RUBCN: variants seen among roughly 807,000 people sequenced by gnomAD.
RUBCN encodes rubicon autophagy regulator, also known as run domain Beclin-1-interacting and cysteine-rich domain-containing protein.
In RUBCN, 74 loss-of-function variants were observed where a neutral mutation model predicts 113.2. The observed-to-expected ratio is 0.65, with a 90% confidence interval of 0.54 to 0.79. The LOEUF is 0.79. RUBCN is among the 30% of genes least tolerant of loss of function. RUBCN has a pLI of 0.00. For missense variants in RUBCN, 1,109 were observed against 1,251.7 expected (o/e 0.89, Z 1.72); for synonymous variants, 480 against 490.0 (o/e 0.98, Z 0.27).
At chr3:197,708,554 CAAAAAA>C (rs113534449) in intron 2 of RUBCN, among the ~76,000 whole-genome samples, 6 of 74,568 alleles carry the variant, frequency 8.0e-5, no homozygotes, top group African/African-American at 2.4e-4. Context: ...GTGGTAGACT[CAAAAAA>C]AAAAAAAAAA....
At chr3:197,687,458 C>T (rs776785325) in intron 11 of RUBCN, among the ~76,000 whole-genome samples, 1 of 152,158 alleles carries the variant, frequency 6.6e-6, no homozygotes, top group Non-Finnish European at 1.5e-5. Context: ...TCTGCAATAA[C>T]GGAGCTGGAC....
At chr3:197,715,512 T>C (rs1725427593) in intron 2 of RUBCN, among the ~76,000 whole-genome samples, 1 of 151,368 alleles carries the variant, frequency 6.6e-6, no homozygotes, top group Admixed American at 6.6e-5. Flanking sequence ...CCTCCTCCTC[T>C]TCCTCCTCAT....
At chr3:197,746,728 A>G (rs1032376980) in intron 1 of RUBCN, among the ~76,000 whole-genome samples, 1 of 152,138 alleles carries the variant, frequency 6.6e-6, no homozygotes, top group South Asian at 2.1e-4. Flanking sequence ...TTTTATCTAC[A>G]TTGTGTGAAA....
chr3:197,735,066 G>A (rs1484888938), intron 1 of RUBCN, among the ~76,000 whole-genome samples: 1 of 152,192 alleles, frequency 6.6e-6, no homozygotes, highest in Non-Finnish European at 1.5e-5. Context: ...AGCTGCTCCT[G>A]AGACCATCAT....
chr3:197,670,542 A>C lies in RUBCN; in HGVS notation c.*4476T>G, dbSNP rs982179754. Among the ~76,000 whole-genome samples the C allele has an allele frequency of 1.3e-5, 2 of 152,240 alleles. No individual in the cohort carries two copies. The highest frequency in any genetic ancestry group is 2.9e-5 in the Non-Finnish European group (2 of 68,040). On this transcript the variant is annotated 3_prime_UTR_variant, in exon 20 of 20. Transcript: ENST00000296343. ...GGAAATCAAGCTTTGGCTTCCTGTG[A>C]ACTACACCAGTTTGTAACAATGAAC...
chr3:197,701,901 T>C, intron 5 of RUBCN, 37 bp from the exon 6 acceptor site: 5 of 1,607,218 alleles, frequency 3.1e-6, no homozygotes, highest in Non-Finnish European at 4.3e-6. Context: ...TGTGTCAGAG[T>C]TAAGGACAAA....
intron 12 of RUBCN, 112 bp downstream of exon 12, chr3:197,684,045 G>T (rs551854246): frequency 1.2e-6 from 1 of 833,888 alleles, no homozygotes. Context: ...CTTTAACCTC[G>T]CCTCCTCTTA....
chr3:197,704,906 G>A (rs1387277137), intron 3 of RUBCN, among the ~76,000 whole-genome samples, 186 bp downstream of exon 3: 1 of 151,970 alleles, frequency 6.6e-6, no homozygotes, highest in Non-Finnish European at 1.5e-5. Context: ...TGGACCAATG[G>A]GTTTGCATGT....
At chr3:197,679,539 C>T (rs1414180696) in intron 16 of RUBCN, among the ~76,000 whole-genome samples, 6 of 149,266 alleles carry the variant, frequency 4.0e-5, no homozygotes, top group Non-Finnish European at 7.4e-5. Flanking sequence ...TCCAGACTGT[C>T]CTACGCTCTG....
chr3:197,740,290 G>C (rs1728472750), upstream of RUBCN, among the ~76,000 whole-genome samples: 1 of 149,412 alleles, frequency 6.7e-6, no homozygotes, highest in African/African-American at 2.5e-5. Context: ...GCTGGATCAT[G>C]GATCCACTGA....
At chr3:197,738,274 G>T (rs1728333754), upstream of RUBCN, among the ~76,000 whole-genome samples, 1 of 152,218 alleles carries the variant, frequency 6.6e-6, no homozygotes, top group Non-Finnish European at 1.5e-5. Flanking sequence ...TTACAGCAAT[G>T]TGAAGGCAAC....
chr3:197,717,926 C>G (rs750175425), intron 2 of RUBCN, 51 bp downstream of exon 2: 2 of 1,610,066 alleles, frequency 1.2e-6, no homozygotes, highest in Non-Finnish European at 1.7e-6. Flanking sequence ...GCGACTGTTT[C>G]TTTTCAACAA....
chr3:197,735,448 G>A (rs1304822664), intron 1 of RUBCN, among the ~76,000 whole-genome samples: 2 of 152,186 alleles, frequency 1.3e-5, no homozygotes, highest in Non-Finnish European at 2.9e-5. Context: ...ACTCCCTTAA[G>A]CCACATTCCT....
At chr3:197,705,217 T>G in intron 2 of RUBCN, 42 bp from the exon 3 acceptor site, 1 of 1,555,398 alleles carries the variant, frequency 6.4e-7, no homozygotes, top group South Asian at 1.1e-5. Context: ...ACGACCATTC[T>G]GGACCAGATC....
At chr3:197,731,582 C>T (rs981467759) in intron 1 of RUBCN, among the ~76,000 whole-genome samples, 126 of 152,044 alleles carry the variant, frequency 8.3e-4, no homozygotes, top group Non-Finnish European at 1.4e-3. Flanking sequence ...CGGGCAGAGG[C>T]GCCCCTCACC....
chr3:197,739,098 G>A (rs923726762), upstream of RUBCN, among the ~76,000 whole-genome samples: 1 of 150,390 alleles, frequency 6.6e-6, no homozygotes, highest in Non-Finnish European at 1.5e-5. Context: ...CCGCCACCAC[G>A]CCCGGCTAAT....
rs1409032986 is a variant in RUBCN, at chr3:197,681,207, G to C, written c.2352C>G (p.Ile784Met). 3 of 1,614,160 alleles carry C rather than the reference G, an allele frequency of 1.9e-6. No individual in the cohort carries two copies. Among genetic ancestry groups the C allele is most frequent in the Non-Finnish European group, 2.5e-6 (3 of 1,179,998 alleles). ...SNFSKDLLIKIWNDPLFNVQD... is the reference protein window; with the variant it reads ...SNFSKDLLIKMWNDPLFNVQD... The stretch of plus-strand genomic sequence containing the variant: ...GCACGTTGAAGAGAGGATCATTCCA[G>C]ATCTTAATGAGCAGGTCCTTGGAGA... The change falls in exon 16 of 20, where the codon ATC becomes ATG. Residue 784 changes from isoleucine (I) to methionine (M), a missense_variant. By Grantham distance (10) the Ile-to-Met change is conservative. Transcript: ENST00000296343. The surrounding 1 kb of genome is among the most constrained non-coding windows in gnomAD (Gnocchi z 5.5).
intron 2 of RUBCN, among the ~76,000 whole-genome samples, chr3:197,709,687 C>T (rs1724737412): frequency 6.6e-6 from 1 of 151,954 alleles, no homozygotes; most frequent in South Asian, 2.1e-4. Flanking sequence ...GCCTGAAAAG[C>T]TACTATATTA....
chr3:197,677,149 C>G, intron 17 of RUBCN, 111 bp from the exon 18 acceptor site: 2 of 1,203,032 alleles, frequency 1.7e-6, no homozygotes, highest in Admixed American at 3.6e-5. Flanking sequence ...GGGCACCCAT[C>G]AGCCAGCCCA....
Sources: allele counts gnomAD v4.1 joint callset (sites outside exome capture counted in the v4.1 genomes callset), GRCh38; gene constraint gnomAD v4.1.1; non-coding constraint Gnocchi (gnomAD v3.1); transcripts MANE v1.5; gene names NCBI Gene and HGNC (gene_info 2026-07-23, HGNC 2026-07-21).